The following C2orf49 variants were observed in gnomAD, a reference collection of about 807,000 sequenced individuals.
C2orf49 encodes the protein tRNA-splicing ligase complex subunit ASW.
C2orf49 carries 11 observed loss-of-function variants against 20.6 expected under a neutral mutation model. The observed-to-expected ratio is 0.53, with a 90% CI of 0.34 to 0.88. The LOEUF (loss-of-function observed/expected upper bound fraction) is 0.88, where lower values mean the gene tolerates loss of function less well. Ranked by LOEUF, C2orf49 falls within the 40% of genes least tolerant of loss-of-function variation. The pLI is 0.02. For missense variants in C2orf49, 289 were observed against 274.2 expected (o/e 1.05, Z -0.38); for synonymous variants, 134 against 108.5 (o/e 1.24, Z -1.46).
downstream of C2orf49, among the ~76,000 whole-genome samples, chr2:105,351,363 A>G (rs1403816826): frequency 8.0e-6 from 1 of 125,784 alleles, no homozygotes; most frequent in Non-Finnish European, 1.6e-5. Flanking sequence ...CTTTTCATAC[A>G]TACTGTGCTC....
chr2:105,383,464 A>G, the C2orf49 span, among the ~76,000 whole-genome samples: 830 of 152,352 alleles, frequency 5.4e-3, 6 homozygotes, highest in Non-Finnish European at 8.5e-3. Context: ...CAGTGGCTAC[A>G]TAGAGAGGAT....
rs927952761 is a variant in C2orf49 at position 105,345,578 on chromosome 2, T to G, written c.*207T>G. On this transcript the variant is annotated 3_prime_UTR_variant, in exon 4 of 4. Coordinates refer to ENST00000258457, the MANE Select transcript of C2orf49 (RefSeq NM_024093.3). ...AAATTCTTGCCTGTCTTGCCCTGAT[T>G]AGGAAAGAATATCTTTTTAAACCAA... 5.1e-6 allele frequency: 3 copies of G among 582,718 alleles called. No homozygotes were observed. Among genetic ancestry groups the G allele is most frequent in the African/African-American group, 3.8e-5 (2 of 52,672 alleles). 36.1% of individuals were successfully genotyped at this position (582,718 alleles called of 1,614,324 possible).
the C2orf49 span, among the ~76,000 whole-genome samples, chr2:105,371,936 G>A: frequency 1.3e-5 from 2 of 151,996 alleles, no homozygotes; most frequent in Non-Finnish European, 1.5e-5. Context: ...GCACAGCACT[G>A]GGGCCCGAGT....
chr2:105,362,923 G>T, the C2orf49 span: 1 of 206,644 alleles, frequency 4.8e-6, no homozygotes, highest in Non-Finnish European at 9.7e-6. Context: ...AGATGCTAGG[G>T]GACACTTCTA....
the C2orf49 span, chr2:105,358,667 T>A: frequency 1.3e-5 from 2 of 152,252 alleles, no homozygotes; most frequent in African/African-American, 4.8e-5. Context: ...TGGGGAAATT[T>A]TCAGAGACTT....
the C2orf49 span, among the ~76,000 whole-genome samples, chr2:105,366,372 G>A: frequency 6.6e-6 from 1 of 152,226 alleles, no homozygotes; most frequent in African/African-American, 2.4e-5. Context: ...CAGACGCAAG[G>A]GTAGAGGCCC....
the C2orf49 span, chr2:105,376,628 G>A: frequency 1.3e-5 from 2 of 152,152 alleles, no homozygotes; most frequent in Non-Finnish European, 2.9e-5. Context: ...ATTAAAAGTA[G>A]AATTACCATA....
chr2:105,350,855 A>G (rs1174557050), downstream of C2orf49, among the ~76,000 whole-genome samples: 1 of 152,192 alleles, frequency 6.6e-6, no homozygotes, highest in Non-Finnish European at 1.5e-5. Context: ...TTCATATGGT[A>G]CCTTTGTTGA....
the C2orf49 span, chr2:105,375,498 C>CGTG: frequency 2.6e-5 from 4 of 152,214 alleles, no homozygotes; most frequent in African/African-American, 9.7e-5. Flanking sequence ...ATTAGCCGGG[C>CGTG]GTGGTGGTGC....
At chr2:105,356,858 ACTTT>A in the C2orf49 span, among the ~76,000 whole-genome samples, 3 of 152,148 alleles carry the variant, frequency 2.0e-5, no homozygotes, top group Non-Finnish European at 2.9e-5. Context: ...CATTTATCTT[ACTTT>A]GAGTTTATTG....
At chr2:105,367,787 T>A in the C2orf49 span, 1 of 1,564,030 alleles carries the variant, frequency 6.4e-7, no homozygotes, top group Non-Finnish European at 8.7e-7. Flanking sequence ...GTTAGAGGGG[T>A]GTGGAGTCCC....
chr2:105,372,806 C>T, the C2orf49 span, among the ~76,000 whole-genome samples: 1 of 152,182 alleles, frequency 6.6e-6, no homozygotes, highest in Non-Finnish European at 1.5e-5. Flanking sequence ...ATCCACCCAC[C>T]TCAGCCTCCC....
the C2orf49 span, among the ~76,000 whole-genome samples, chr2:105,354,558 C>T: frequency 1.3e-5 from 2 of 151,764 alleles, no homozygotes; most frequent in African/African-American, 2.4e-5. Context: ...CCCAGCTATT[C>T]GGGAGGCTGA....
rs1679794428 is a variant in C2orf49 at position 105,345,717 on chromosome 2, C to T, written c.*346C>T. 9.4e-6 allele frequency: 2 copies of T among 212,066 alleles called. No homozygotes were observed. Among genetic ancestry groups the T allele is most frequent in the African/African-American group, 2.4e-5 (1 of 42,336 alleles). The allele number at this position is 212,066 out of a possible 1,614,324, so 13.1% of individuals were successfully genotyped here. On this transcript the variant is annotated 3_prime_UTR_variant, in exon 4 of 4. Transcript: ENST00000258457. Reference sequence around the variant, plus strand: ...GTGGCTCACGCCTATAATCCCAGCACTTTGAGAGACTGAGGTGGGCAGATC... The same window carrying T: ...GTGGCTCACGCCTATAATCCCAGCATTTTGAGAGACTGAGGTGGGCAGATC...
At chr2:105,355,678 CAT>C in the C2orf49 span, among the ~76,000 whole-genome samples, 1 of 151,720 alleles carries the variant, frequency 6.6e-6, no homozygotes, top group Non-Finnish European at 1.5e-5. Context: ...CAAAGTGTAA[CAT>C]ATTTTAAACT....
chr2:105,368,556 G>A, the C2orf49 span, among the ~76,000 whole-genome samples: 2 of 152,224 alleles, frequency 1.3e-5, no homozygotes, highest in East Asian at 3.9e-4. Context: ...GCCATCCATT[G>A]TCTTTTGAAT....
rs1374036229 is a variant in C2orf49, at chr2:105,337,567, T to TG, written c.-17dup. On this transcript the variant is annotated 5_prime_UTR_variant, in exon 1 of 4. Coordinates refer to ENST00000258457, the MANE Select transcript of C2orf49 (RefSeq NM_024093.3). ...TCGCGGGGCTTTGTGGGTAGCCGAC[T>TG]GGGGTCTCCTGGCGACGACCATGGC... 24 of 1,613,176 alleles carry TG rather than the reference T, an allele frequency of 1.5e-5. No homozygotes were observed. Among genetic ancestry groups the TG allele is most frequent in the Non-Finnish European group, 1.9e-5 (23 of 1,179,956 alleles).
rs772265255 is a variant in C2orf49, at chr2:105,342,991, A to G, written c.410A>G (p.Asn137Ser). The change falls in exon 3 of 4, where the codon AAT becomes AGT. Residue 137 changes from asparagine (N) to serine (S), a missense_variant. Transcript: ENST00000258457. ...CCCCCGCAGGCAAGCTTTACCAGTA[A>G]TGCCTTTAGAAAATTATCAAATTCC... Reference protein sequence around the residue: ...KPPPQASFTSNAFRKLSNSSS... With the variant: ...KPPPQASFTSSAFRKLSNSSS... 34 of 1,614,122 alleles carry G rather than the reference A, an allele frequency of 2.1e-5. No homozygotes were observed. The highest frequency in any genetic ancestry group is 2.8e-5 in the Non-Finnish European group (33 of 1,180,048).
intron 2 of C2orf49, 118 bp downstream of exon 2, chr2:105,339,867 T>C: frequency 1.1e-6 from 1 of 886,894 alleles, no homozygotes; most frequent in Non-Finnish European, 1.7e-6. Context: ...TGACTATCTA[T>C]TGAGCACCAG....
Sources: gnomAD v4.1 joint callset for allele counts (sites outside exome capture counted in the v4.1 genomes callset) on GRCh38, gnomAD v4.1.1 for gene constraint, MANE v1.5 for transcripts, NCBI Gene and HGNC (gene_info 2026-07-23, HGNC 2026-07-21) for gene names.